The following MMUT variants were observed in gnomAD, a reference collection of about 807,000 sequenced individuals.
MMUT encodes methylmalonyl-CoA mutase, mitochondrial.
Under a neutral mutation model 79.9 loss-of-function variants are expected in MMUT, and 79 were observed. The ratio of observed to expected loss-of-function variants is 0.99; its 90% CI spans 0.82 to 1.19. The LOEUF is 1.19. Among genes scored for constraint, MMUT ranks in the 50% most tolerant of loss-of-function variants. MMUT has a pLI of 0.00. For synonymous variants in MMUT, 273 were observed against 295.7 expected, an observed-to-expected ratio of 0.92 and a Z score of 0.79; for missense variants, 860 against 917.2, an observed-to-expected ratio of 0.94 and a Z score of 0.81.
intron 3 of MMUT, among the ~76,000 whole-genome samples, chr6:49,457,462 T>C (rs1210354634): frequency 6.6e-6 from 1 of 152,190 alleles, no homozygotes; most frequent in Non-Finnish European, 1.5e-5. Context: ...CTAACAATTA[T>C]CAGAGTTAAA....
intron 12 of MMUT, 70 bp downstream of exon 12, chr6:49,435,386 A>G: frequency 4.9e-6 from 7 of 1,434,040 alleles, no homozygotes; most frequent in Non-Finnish European, 6.9e-6. Flanking sequence ...GTTTATCTTT[A>G]GAACCACAAA....
Position 49,459,144 on chromosome 6 carries a change from C to A in MMUT, c.323G>T (p.Arg108Leu). ...TMYTFRPWTI[R>L]QYAGFSTVEE... ...CACAGTACTAAAACCAGCATACTGG[C>A]GGATGGTCCAGGGCCTAAAGGTATA... The change falls in exon 2 of 13, where the codon CGC (arginine) becomes CTC (leucine). Residue 108 changes from arginine to leucine, a missense_variant. By Grantham distance (102) the Arg-to-Leu change is moderately radical (BLOSUM62 -2). Coordinates refer to ENST00000274813, the MANE Select transcript of MMUT (RefSeq NM_000255.4). 6.2e-7 allele frequency: 1 copy of A among 1,614,108 alleles called. No individual in the cohort carries two copies. The highest frequency in any genetic ancestry group is 2.2e-5 in the East Asian group (1 of 44,880).
rs774159791 is a variant in MMUT, at chr6:49,448,861, G to A, written c.1399C>T (p.Arg467Ter). The A allele has an allele frequency of 4.1e-5, 66 of 1,613,322 alleles. No individual in the cohort carries two copies. Among genetic ancestry groups the A allele is most frequent in the Non-Finnish European group, 1.4e-5 (16 of 1,179,674 alleles). The change falls in exon 7 of 13, where the codon CGA becomes TGA. Residue 467 changes from arginine (R) to a stop codon, truncating the protein, a stop_gained. Coordinates refer to ENST00000274813, the MANE Select transcript of MMUT (RefSeq NM_000255.4). LOFTEE classifies it high-confidence loss of function. ...KAVAEGIPKL[R>*]IEECAARRQA... ...CTTCGGGCAGCACATTCTTCAATTC[G>A]AAGTTTAGGTATTCCCTCAGCTACA...
intron 9 of MMUT, among the ~76,000 whole-genome samples, chr6:49,444,013 G>A (rs913249405): frequency 2.0e-5 from 3 of 152,166 alleles, no homozygotes; most frequent in Non-Finnish European, 2.9e-5. Context: ...ATCAGACAAA[G>A]AGGAGGTCTC....
chr6:49,449,474 G>C (rs184281312), intron 6 of MMUT, among the ~76,000 whole-genome samples: 11 of 151,034 alleles, frequency 7.3e-5, no homozygotes, highest in African/African-American at 2.7e-4. Context: ...TGGATTCTAC[G>C]TAAGTGTAAA....
intron 12 of MMUT, among the ~76,000 whole-genome samples, chr6:49,432,701 T>C (rs1388892035): frequency 6.6e-6 from 1 of 152,138 alleles, no homozygotes; most frequent in Admixed American, 6.5e-5. Flanking sequence ...TAGTTTATTT[T>C]AACAGTCAAA....
Position 49,440,328 on chromosome 6 carries a change from C to T in MMUT, c.1834G>A (p.Gly612Ser), listed in dbSNP as rs1767242654. 2 of 1,613,890 alleles carry T rather than the reference C, an allele frequency of 1.2e-6. No individual in the cohort carries two copies. The highest frequency in any genetic ancestry group is 3.3e-5 in the Admixed American group (2 of 59,958). The stretch of plus-strand genomic sequence containing the variant: ...GCTACAAGAAGACGAGGTCTGCGAC[C>T]TTCACGTTCCATGAATTTATGAACC... ...KRVHKFMERE[G>S]RRPRLLVAKM... Residue 612 changes from glycine to serine, a missense_variant, in exon 11 of 13, where the codon GGT becomes AGT. By Grantham distance (56) the Gly-to-Ser change is moderately conservative. Transcript: ENST00000274813.
intron 9 of MMUT, among the ~76,000 whole-genome samples, chr6:49,444,153 T>C (rs1301845376): frequency 2.0e-5 from 3 of 152,008 alleles, no homozygotes. Context: ...ATGGCTCCAA[T>C]AACAAGGGAA....
chr6:49,443,694 A>G (rs993378000), intron 9 of MMUT: 2 of 289,260 alleles, frequency 6.9e-6, no homozygotes, highest in African/African-American at 4.6e-5. Flanking sequence ...TTAACACATT[A>G]AGTGCCATAT....
At chr6:49,461,365 A>G (rs1461311302) in intron 1 of MMUT, among the ~76,000 whole-genome samples, 2 of 152,230 alleles carry the variant, frequency 1.3e-5, no homozygotes, top group Non-Finnish European at 2.9e-5. Flanking sequence ...GTTTCCCAAA[A>G]AAAGAGAAAC....
rs7767725 is a variant in MMUT at position 49,458,305 on chromosome 6, G to A, written c.386-247C>T. ...CAGACCTCACTAAAGGAAAGAATGG[G>A]AGAAACAACAAATCTCAATCATCTC... On this transcript the variant is annotated intron_variant, in intron 2 of 12. Coordinates refer to ENST00000274813, the MANE Select transcript of MMUT (RefSeq NM_000255.4). Among the ~76,000 whole-genome samples the A allele has an allele frequency of 0.59, 89,471 of 151,922 alleles. 26,693 individuals carry two copies. Among genetic ancestry groups the A allele is most frequent in the South Asian group, 0.65 (3,138 of 4,820 alleles).
intron 9 of MMUT, among the ~76,000 whole-genome samples, chr6:49,442,703 A>T (rs1352234277): frequency 2.0e-5 from 3 of 152,126 alleles, no homozygotes; most frequent in Non-Finnish European, 4.4e-5. Context: ...AACATAAAAC[A>T]GTAAGAGTGT....
intron 1 of MMUT, 124 bp downstream of exon 1, chr6:49,462,979 A>C (rs1767894952): frequency 6.6e-6 from 1 of 152,460 alleles, no homozygotes; most frequent in South Asian, 2.1e-4. Context: ...CACAGTAGGA[A>C]GGTAAAGAAG....
At chr6:49,448,664 A>C (rs1027001939) in intron 7 of MMUT, 152 bp downstream of exon 7, 10 of 650,958 alleles carry the variant, frequency 1.5e-5, no homozygotes, top group African/African-American at 5.5e-5. Context: ...GTGAAAATAC[A>C]TATATAGATA....
rs1767370852 is a variant in MMUT, at chr6:49,444,773, A to G, written c.1561-19T>C. 1 of 1,568,354 alleles carries G rather than the reference A, an allele frequency of 6.4e-7. No homozygotes were observed. The highest frequency in any genetic ancestry group is 1.4e-5 in the African/African-American group (1 of 74,062). On this transcript the variant is annotated intron_variant, in intron 8 of 12. Transcript: ENST00000274813. ...ATTTGATCTATGGAAAAAGTCAAGG[A>G]AAGGGACAATTTACATGAAGAGAGA...
chr6:49,458,192 T>C (rs1024295543), intron 2 of MMUT, 134 bp from the exon 3 acceptor site: 3 of 915,476 alleles, frequency 3.3e-6, no homozygotes, highest in Non-Finnish European at 4.8e-6. Flanking sequence ...TTTATGCTCA[T>C]ACATGTCAAA....
chr6:49,439,922 G>A (rs966572804), intron 11 of MMUT, among the ~76,000 whole-genome samples: 2 of 152,192 alleles, frequency 1.3e-5, no homozygotes, highest in Non-Finnish European at 2.9e-5. Flanking sequence ...AGTGAAAAGT[G>A]ATCAAGGTCT....
intron 1 of MMUT, among the ~76,000 whole-genome samples, chr6:49,460,542 G>A (rs1236606220): frequency 6.6e-6 from 1 of 152,168 alleles, no homozygotes; most frequent in Non-Finnish European, 1.5e-5. Flanking sequence ...TTTTCCAGAT[G>A]TAGAAACTGA....
chr6:49,451,373 A>G, intron 6 of MMUT, 93 bp downstream of exon 6: 2 of 1,363,734 alleles, frequency 1.5e-6, no homozygotes, highest in Non-Finnish European at 2.0e-6. Context: ...ATAAATTTAA[A>G]ATCTATAAAT....
Sources: allele counts gnomAD v4.1 joint callset (sites outside exome capture counted in the v4.1 genomes callset), GRCh38; gene constraint gnomAD v4.1.1; transcripts MANE v1.5; gene names NCBI Gene and HGNC (gene_info 2026-07-23, HGNC 2026-07-21).